The following RGS5 variants were observed in gnomAD, a reference collection of about 807,000 sequenced individuals.
The protein encoded by RGS5 is regulator of G-protein signalling 5.
RGS5 carries 20 observed loss-of-function variants against 18.9 expected under a neutral mutation model. That is an observed-to-expected ratio of 1.06 (90% CI 0.74 to 1.54). RGS5 has a LOEUF of 1.54. Among genes scored for constraint, RGS5 ranks in the 40% most tolerant of loss-of-function variants. RGS5 has a pLI of 0.00. For missense variants in RGS5, 201 were observed against 211.8 expected (o/e 0.95, Z 0.32); for synonymous variants, 57 against 76.2 (o/e 0.75, Z 1.31).
At chr1:163,296,040 G>A (rs1459016087) in intron 2 of RGS5, among the ~76,000 whole-genome samples, 5 of 152,146 alleles carry the variant, frequency 3.3e-5, no homozygotes, top group Admixed American at 2.6e-4. Context: ...TTAGCCTTAT[G>A]ATGCTTTAAA....
intron 1 of RGS5, among the ~76,000 whole-genome samples, chr1:163,187,880 A>G (rs1249324875): frequency 6.6e-6 from 1 of 152,104 alleles, no homozygotes; most frequent in Non-Finnish European, 1.5e-5. Flanking sequence ...CAAACTTACC[A>G]CTGGTAGGGG....
At chr1:163,303,235 T>C (rs1649597001) in intron 2 of RGS5, among the ~76,000 whole-genome samples, 1 of 152,226 alleles carries the variant, frequency 6.6e-6, no homozygotes, top group Non-Finnish European at 1.5e-5. Flanking sequence ...TGTCCCATAT[T>C]TTATCTAGCA....
intron 2 of RGS5, among the ~76,000 whole-genome samples, chr1:163,291,795 C>A (rs1649294714): frequency 6.6e-6 from 1 of 152,100 alleles, no homozygotes; most frequent in South Asian, 2.1e-4. Context: ...TTGAAAAACT[C>A]TCCAAGTCTT....
At chr1:163,225,596 A>C (rs1267859123) in intron 2 of RGS5, among the ~76,000 whole-genome samples, 6 of 151,406 alleles carry the variant, frequency 4.0e-5, no homozygotes, top group Admixed American at 2.0e-4. Flanking sequence ...TACCCACCCC[A>C]CACACACTCA....
At chr1:163,242,571 C>T (rs1647818220) in intron 2 of RGS5, among the ~76,000 whole-genome samples, 1 of 152,122 alleles carries the variant, frequency 6.6e-6, no homozygotes, top group African/African-American at 2.4e-5. Flanking sequence ...GTGTTTTCAT[C>T]TGGGGCTTAA....
chr1:163,184,415 AAGGG>A, intron 1 of RGS5, among the ~76,000 whole-genome samples: 1 of 147,692 alleles, frequency 6.8e-6, no homozygotes, highest in African/African-American at 2.5e-5. Flanking sequence ...AAAAAAAAAA[AAGGG>A]AAGAACAATG....
intron 1 of RGS5, among the ~76,000 whole-genome samples, chr1:163,175,044 A>G (rs1571241414): frequency 6.6e-6 from 1 of 152,188 alleles, no homozygotes; most frequent in East Asian, 1.9e-4. Flanking sequence ...CAAAGAGCAG[A>G]TTGGTTCCAG....
intron 4 of RGS5, 21 bp from the exon 5 acceptor site, chr1:163,147,524 T>C: frequency 6.4e-7 from 1 of 1,556,444 alleles, no homozygotes; most frequent in Non-Finnish European, 8.7e-7. Flanking sequence ...GGAAACAGGG[T>C]CACTACATAA....
At chr1:163,179,127 T>A (rs192850082) in intron 1 of RGS5, among the ~76,000 whole-genome samples, 49 of 152,282 alleles carry the variant, frequency 3.2e-4, no homozygotes, top group Admixed American at 2.3e-3. Context: ...AGTGGAACAT[T>A]GAACTCTTAG....
At chr1:163,246,022 T>C (rs1647921231) in intron 2 of RGS5, among the ~76,000 whole-genome samples, 1 of 151,712 alleles carries the variant, frequency 6.6e-6, no homozygotes, top group Admixed American at 6.6e-5. Context: ...GAGACCATCC[T>C]GGCTAACACA....
At chr1:163,260,777 T>C (rs990342543) in intron 2 of RGS5, 1 of 152,210 alleles carries the variant, frequency 6.6e-6, no homozygotes, top group Non-Finnish European at 1.5e-5. Context: ...TTTGTTCTTT[T>C]GATTATTGCC....
chr1:163,164,544 G>T (rs1013572454), intron 2 of RGS5, among the ~76,000 whole-genome samples: 2 of 152,140 alleles, frequency 1.3e-5, no homozygotes, highest in African/African-American at 4.8e-5. Flanking sequence ...CACTGCCGAA[G>T]GGTATAGGTT....
chr1:163,208,844 G>C (rs1296152941), intron 1 of RGS5, among the ~76,000 whole-genome samples: 2 of 151,942 alleles, frequency 1.3e-5, no homozygotes, highest in Non-Finnish European at 2.9e-5. Context: ...CTAATAATCA[G>C]AGACTGGCAT....
upstream of RGS5, among the ~76,000 whole-genome samples, chr1:163,204,190 AT>A (rs1269581418): frequency 6.6e-6 from 1 of 152,146 alleles, no homozygotes; most frequent in Non-Finnish European, 1.5e-5. Flanking sequence ...TGTAAAAAGT[AT>A]TGTTTTCTGA....
intron 1 of RGS5, among the ~76,000 whole-genome samples, chr1:163,170,852 A>G (rs139837956): frequency 1.1e-4 from 17 of 152,290 alleles, no homozygotes; most frequent in African/African-American, 3.8e-4. Flanking sequence ...CTTATATAAC[A>G]TTGTGAATTA....
At chr1:163,156,466 T>C (rs1042848045) in intron 3 of RGS5, among the ~76,000 whole-genome samples, 4 of 152,208 alleles carry the variant, frequency 2.6e-5, no homozygotes, top group African/African-American at 9.6e-5. Context: ...ACCATCGACT[T>C]GCTCTTGAAG....
chr1:163,247,260 C>T (rs1647966835), intron 2 of RGS5, among the ~76,000 whole-genome samples: 1 of 152,104 alleles, frequency 6.6e-6, no homozygotes, highest in African/African-American at 2.4e-5. Flanking sequence ...AAATAATCAC[C>T]TGAATAATTA....
At position 163,147,095 on chromosome 1, in the gene RGS5, C is replaced by T. The variant is rs1657160814; in HGVS notation, c.*247G>A. On this transcript the variant is annotated 3_prime_UTR_variant, in exon 5 of 5. Transcript: ENST00000313961. ...TTTCTGTGATTCTGATTGTGTCTGACTACAAGCTGAAGATATCTTAATTAA... is the reference window on the plus strand; with the variant it reads ...TTTCTGTGATTCTGATTGTGTCTGATTACAAGCTGAAGATATCTTAATTAA... 6.1e-6 allele frequency: 2 copies of T among 328,802 alleles called. No individual in the cohort carries two copies. The highest frequency in any genetic ancestry group is 2.2e-4 in the South Asian group (2 of 9,170). 20.4% of individuals were successfully genotyped at this position (328,802 alleles called of 1,614,324 possible). A position where few individuals can be genotyped will look rare whatever the true frequency, so the allele number is the denominator to read the frequency against.
At chr1:163,148,262 G>A (rs2344673) in intron 4 of RGS5, among the ~76,000 whole-genome samples, 14,107 of 151,920 alleles carry the variant, frequency 0.093, 913 homozygotes, top group Middle Eastern at 0.14. Context: ...CACAACATTT[G>A]GTTTCACGTC....
Sources: allele counts gnomAD v4.1 joint callset (sites outside exome capture counted in the v4.1 genomes callset), GRCh38; gene constraint gnomAD v4.1.1; transcripts MANE v1.5; gene names NCBI Gene and HGNC (gene_info 2026-07-23, HGNC 2026-07-21).